The following LPIN2 variants were observed in gnomAD, a reference collection of about 807,000 sequenced individuals.
LPIN2 encodes the protein phosphatidate phosphatase LPIN2.
In LPIN2, 55 loss-of-function variants were observed where a neutral mutation model predicts 111.4. The observed-to-expected ratio is 0.49, with a 90% CI of 0.40 to 0.62. LPIN2 has a LOEUF of 0.62. LPIN2 is among the 20% of genes least tolerant of loss of function. The pLI, the probability that LPIN2 is intolerant of heterozygous loss-of-function variation, is 0.00. For missense variants in LPIN2, 992 were observed against 1,112.1 expected (o/e 0.89, Z 1.54); for synonymous variants, 425 against 414.0 (o/e 1.03, Z -0.32).
At chr18:2,970,032 G>A (rs924651393) in intron 1 of LPIN2, among the ~76,000 whole-genome samples, 1 of 152,162 alleles carries the variant, frequency 6.6e-6, no homozygotes, top group African/African-American at 2.4e-5. Context: ...TTCTAGAACT[G>A]GCAGTGCTTC....
intron 8 of LPIN2, among the ~76,000 whole-genome samples, chr18:2,932,568 CTGT>C (rs1417547652): frequency 1.3e-5 from 2 of 152,222 alleles, no homozygotes; most frequent in African/African-American, 4.8e-5. Flanking sequence ...GTCAGCAGAA[CTGT>C]TGTTATACTG....
intron 1 of LPIN2, among the ~76,000 whole-genome samples, chr18:2,987,999 T>G (rs2078211069): frequency 9.0e-6 from 1 of 111,224 alleles, no homozygotes; most frequent in African/African-American, 3.7e-5. Context: ...GGCGACAGAG[T>G]GAGAGACTGT....
chr18:2,951,526 G>A (rs990653661), intron 3 of LPIN2, among the ~76,000 whole-genome samples, 170 bp from the exon 4 acceptor site: 4 of 152,042 alleles, frequency 2.6e-5, no homozygotes, highest in Non-Finnish European at 4.4e-5. Flanking sequence ...ATACTCTGAC[G>A]AGGTCTTTCC....
chr18:2,962,399 T>C (rs1333388574), intron 1 of LPIN2, among the ~76,000 whole-genome samples: 19 of 152,230 alleles, frequency 1.2e-4, no homozygotes, highest in Admixed American at 1.2e-3. Flanking sequence ...AATCTGGTGA[T>C]GGTTTTGGAA....
chr18:2,954,368 A>G, intron 3 of LPIN2, 136 bp downstream of exon 3: 1 of 689,156 alleles, frequency 1.5e-6, no homozygotes, highest in Non-Finnish European at 2.6e-6. Flanking sequence ...GTTCTTCAAC[A>G]TGAAACTAAA....
At chr18:2,976,007 G>T (rs143285215) in intron 1 of LPIN2, among the ~76,000 whole-genome samples, 2 of 152,062 alleles carry the variant, frequency 1.3e-5, no homozygotes, top group Non-Finnish European at 2.9e-5. Flanking sequence ...GAATTTGTAC[G>T]ATTCTTCCAC....
At chr18:2,961,855 A>G (rs1374956578) in intron 1 of LPIN2, among the ~76,000 whole-genome samples, 1 of 152,228 alleles carries the variant, frequency 6.6e-6, no homozygotes, top group Non-Finnish European at 1.5e-5. Flanking sequence ...CCAATGCTCC[A>G]GCTAATTCAG....
At chr18:2,951,629 A>C (rs937270508) in intron 3 of LPIN2, among the ~76,000 whole-genome samples, 1 of 152,170 alleles carries the variant, frequency 6.6e-6, no homozygotes, top group African/African-American at 2.4e-5. Context: ...GAACACCCCA[A>C]AGCCATAATT....
chr18:2,935,173 C>T (rs2077269075), intron 7 of LPIN2, among the ~76,000 whole-genome samples: 1 of 152,170 alleles, frequency 6.6e-6, no homozygotes. Context: ...CACTAAGATA[C>T]TTCCTTAATA....
chr18:2,932,309 T>C (rs2077221935), intron 8 of LPIN2, among the ~76,000 whole-genome samples: 1 of 152,200 alleles, frequency 6.6e-6, no homozygotes, highest in Non-Finnish European at 1.5e-5. Context: ...AGTATTTTTA[T>C]GTGAATTAAA....
rs2077031630 is a variant in LPIN2, at chr18:2,920,200, G to A, written c.*93C>T. On this transcript the variant is annotated 3_prime_UTR_variant, in exon 20 of 20. Transcript: ENST00000677752. ...TCCAGAAGCACCCGTCCCCGCTGGGGAAGGCTGGTATCTGAGGTCAGCAGA... is the reference window on the plus strand; with the variant it reads ...TCCAGAAGCACCCGTCCCCGCTGGGAAAGGCTGGTATCTGAGGTCAGCAGA... The A allele has an allele frequency of 6.4e-7, 1 of 1,554,658 alleles. No individual in the cohort carries two copies.
chr18:2,997,112 G>A (rs1360728850), intron 1 of LPIN2, among the ~76,000 whole-genome samples: 2 of 151,976 alleles, frequency 1.3e-5, no homozygotes, highest in Non-Finnish European at 2.9e-5. Flanking sequence ...CTCCCGAGTA[G>A]CTAGGATTAC....
chr18:3,002,354 C>T (rs894225404), intron 1 of LPIN2, among the ~76,000 whole-genome samples: 2 of 151,582 alleles, frequency 1.3e-5, no homozygotes, highest in Admixed American at 1.3e-4. Flanking sequence ...AATTAGTGTC[C>T]ATTCTAATGA....
At chr18:2,964,258 G>A (rs571125189) in intron 1 of LPIN2, among the ~76,000 whole-genome samples, 148 of 146,788 alleles carry the variant, frequency 1.0e-3, no homozygotes, top group Non-Finnish European at 2.0e-3. Flanking sequence ...ACTCAAGCCT[G>A]GGTGACAGAG....
At chr18:2,994,141 C>G (rs974277018) in intron 1 of LPIN2, among the ~76,000 whole-genome samples, 54 of 152,224 alleles carry the variant, frequency 3.5e-4, no homozygotes, top group African/African-American at 1.3e-3. Context: ...CAAGAACTTG[C>G]CCAGTGCCTG....
chr18:2,946,431 C>T, intron 4 of LPIN2: 1 of 1,446,108 alleles, frequency 6.9e-7, no homozygotes, highest in Non-Finnish European at 9.7e-7. Context: ...CCCTTTAATG[C>T]ATCGTGAAAG....
At chr18:2,930,071 CCT>C (rs1483072563) in intron 9 of LPIN2, among the ~76,000 whole-genome samples, 1 of 152,140 alleles carries the variant, frequency 6.6e-6, no homozygotes, top group Non-Finnish European at 1.5e-5. Flanking sequence ...ATTTTTGTAC[CCT>C]GTTCCTAAAC....
intron 1 of LPIN2, among the ~76,000 whole-genome samples, chr18:3,002,531 C>T (rs987846694): frequency 3.3e-5 from 5 of 152,126 alleles, no homozygotes; most frequent in African/African-American, 1.2e-4. Flanking sequence ...TACAGGCCCA[C>T]ACATTAACAA....
intron 5 of LPIN2, 49 bp downstream of exon 5, chr18:2,940,556 T>C (rs772986212): frequency 2.7e-6 from 3 of 1,100,072 alleles, no homozygotes; most frequent in Non-Finnish European, 4.2e-6. Context: ...AGCTAATTAA[T>C]ACATCTCCTT....
Sources: allele counts gnomAD v4.1 joint callset (sites outside exome capture counted in the v4.1 genomes callset), GRCh38; gene constraint gnomAD v4.1.1; transcripts MANE v1.5; gene names NCBI Gene and HGNC (gene_info 2026-07-23, HGNC 2026-07-21).